CDC25A: variants seen among roughly 807,000 people sequenced by gnomAD.
The protein encoded by CDC25A is M-phase inducer phosphatase 1.
A neutral mutation model predicts 64.6 loss-of-function variants in CDC25A; 17 were observed. That is an observed-to-expected ratio of 0.26 (90% CI 0.18 to 0.39). The LOEUF (loss-of-function observed/expected upper bound fraction) is 0.39, where lower values mean the gene tolerates loss of function less well. CDC25A is among the 10% of genes least tolerant of loss of function. The pLI is 1.00. For synonymous variants in CDC25A, 229 were observed against 238.6 expected (o/e 0.96, Z 0.37); for missense variants, 473 against 654.8 (o/e 0.72, Z 3.03).
chr3:48,170,881 A>G (rs1349693394), intron 9 of CDC25A, among the ~76,000 whole-genome samples: 1 of 152,212 alleles, frequency 6.6e-6, no homozygotes, highest in African/African-American at 2.4e-5. Flanking sequence ...TATCACAGGT[A>G]TGATAACTGT....
In CDC25A at chr3:48,180,729, C is replaced by G; in HGVS notation, c.541G>C (p.Ala181Pro). Reference sequence around the variant, plus strand: ...AAAGCCAGAGCACATACCATCCGAGCTGGGGCAGAGTTCTGCCTCTGTGTG... The same window carrying G: ...AAAGCCAGAGCACATACCATCCGAGGTGGGGCAGAGTTCTGCCTCTGTGTG... ...LFTQRQNSAP[A>P]RMLSSNERDS... The change falls in exon 6 of 15, where the codon GCT (alanine) becomes CCT (proline). Residue 181 changes from alanine to proline, a missense_variant. Physicochemically the swap from Ala to Pro is conservative, Grantham distance 27. This residue lies in a region of CDC25A where 376 missense variants were observed against 431.9 expected (regional missense o/e 0.87). Coordinates refer to ENST00000302506, the MANE Select transcript of CDC25A (RefSeq NM_001789.3). 6.2e-7 allele frequency: 1 copy of G among 1,614,042 alleles called. No individual in the cohort carries two copies. The highest frequency in any genetic ancestry group is 1.1e-5 in the South Asian group (1 of 91,072).
At position 48,157,345 on chromosome 3, in the gene CDC25A, G is replaced by A. The variant is rs934537558; in HGVS notation, c.*1600C>T. The A allele has an allele frequency of 2.6e-5, 4 of 152,394 alleles. No individual in the cohort carries two copies. The highest frequency in any genetic ancestry group is 5.9e-5 in the Non-Finnish European group (4 of 68,026). The allele number at this position is 152,394 out of a possible 1,614,324, so 9.4% of individuals were successfully genotyped here. A position where few individuals can be genotyped will look rare whatever the true frequency, so the allele number is the denominator to read the frequency against. ...CCAGTTGGAATCTGTCTCAATGCGC[G>A]TGTAGGAAGAAGTCCTCTCCCCCAC... is the stretch of plus-strand genomic sequence containing the variant. On this transcript the variant is annotated 3_prime_UTR_variant, in exon 15 of 15. Coordinates refer to ENST00000302506, the MANE Select transcript of CDC25A (RefSeq NM_001789.3).
At chr3:48,183,381 G>A (rs187608685) in intron 4 of CDC25A, among the ~76,000 whole-genome samples, 302 of 152,326 alleles carry the variant, frequency 2.0e-3, no homozygotes, top group African/African-American at 6.8e-3. Flanking sequence ...CCTCCAGACC[G>A]AACATCTTGA....
chr3:48,176,486 T>A (rs1047898327), intron 8 of CDC25A, among the ~76,000 whole-genome samples: 11 of 148,150 alleles, frequency 7.4e-5, no homozygotes, highest in Non-Finnish European at 1.5e-4. Flanking sequence ...TTTGAAAGTA[T>A]CCCTGATGGA....
intron 9 of CDC25A, 132 bp downstream of exon 9, chr3:48,174,138 AACACACACACACCC>A (rs2032367340): frequency 1.4e-6 from 1 of 694,792 alleles, no homozygotes; most frequent in Non-Finnish European, 2.3e-6. Flanking sequence ...TATTAAAAGA[AACACACACACACCC>A]ACACACACAC....
At chr3:48,174,223 A>G in intron 9 of CDC25A, 61 bp downstream of exon 9, 1 of 1,466,172 alleles carries the variant, frequency 6.8e-7, no homozygotes, top group South Asian at 1.3e-5. Context: ...CTAAGTAGAA[A>G]TTTTTAGAAC....
Position 48,180,859 on chromosome 3 carries a change from ACAT to A in CDC25A, c.430-22_430-20del. On this transcript the variant is annotated intron_variant, in intron 5 of 14. Transcript: ENST00000302506. ...AGGCTTCCTGCAAGACATAGTTGAG[ACAT>A]CTACTGTCCATGAAAACCAACTCAG... is the stretch of plus-strand genomic sequence containing the variant. 6.2e-7 allele frequency: 1 copy of A among 1,613,324 alleles called. No homozygotes were observed. The highest frequency in any genetic ancestry group is 8.5e-7 in the Non-Finnish European group (1 of 1,179,686).
rs1014281345 is a variant in CDC25A, at chr3:48,158,642, G to A, written c.*303C>T. Reference sequence around the variant, plus strand: ...TCCCCTCATGAGATGGCTGGAGCCCGATAAGGCCCCGGCTGGTTCATCCCA... The same window carrying A: ...TCCCCTCATGAGATGGCTGGAGCCCAATAAGGCCCCGGCTGGTTCATCCCA... On this transcript the variant is annotated 3_prime_UTR_variant, in exon 15 of 15. Coordinates refer to ENST00000302506, the MANE Select transcript of CDC25A (RefSeq NM_001789.3). The A allele has an allele frequency of 3.1e-5, 8 of 259,982 alleles. No individual in the cohort carries two copies. The highest frequency in any genetic ancestry group is 5.2e-5 in the Non-Finnish European group (7 of 135,896). 16.1% of individuals were successfully genotyped at this position (259,982 alleles called of 1,614,324 possible).
chr3:48,165,547 C>T (rs2031980286), intron 12 of CDC25A, 89 bp downstream of exon 12: 1 of 824,270 alleles, frequency 1.2e-6, no homozygotes, highest in East Asian at 2.4e-5. Flanking sequence ...AGCATATGAG[C>T]TAAGTGGCCA....
chr3:48,159,798 C>A (rs1477645087), intron 13 of CDC25A, among the ~76,000 whole-genome samples: 2 of 152,186 alleles, frequency 1.3e-5, no homozygotes, highest in African/African-American at 4.8e-5. Context: ...TTCAGCCAGG[C>A]TCCCTCACTC....
intron 2 of CDC25A, 49 bp downstream of exon 2, chr3:48,186,654 T>C: frequency 1.7e-6 from 2 of 1,175,588 alleles, no homozygotes; most frequent in Non-Finnish European, 1.3e-6. Context: ...TGAAAAGGCA[T>C]GTTTCAGGAA....
chr3:48,184,366 A>G (rs2032774105), intron 3 of CDC25A, among the ~76,000 whole-genome samples: 1 of 152,096 alleles, frequency 6.6e-6, no homozygotes, highest in Non-Finnish European at 1.5e-5. Context: ...CAAACAAACA[A>G]ACAAACAAAA....
rs2032504630 is a variant in CDC25A, at chr3:48,177,426, G to C, written c.701C>G (p.Pro234Arg). The C allele has an allele frequency of 2.5e-6, 4 of 1,613,736 alleles. No individual in the cohort carries two copies. The East Asian group carries it at 6.7e-5, about 27-fold the overall frequency. Residue 234 changes from proline to arginine, a missense_variant, in exon 8 of 15, where the codon CCC becomes CGC. Around this residue, in one of 2 missense-constraint regions of CDC25A, gnomAD observed 376 missense variants for 431.9 expected, o/e 0.87. Coordinates refer to ENST00000302506, the MANE Select transcript of CDC25A (RefSeq NM_001789.3). ...TGTCCAGAGGCTTGCCATGCACGAG[G>C]GGGTCTCCTCCTCATTCTAAAGAAA... is the stretch of plus-strand genomic sequence containing the variant. ...GENLKNEEETPSCMASLWTAP... is the reference protein window; with the variant it reads ...GENLKNEEETRSCMASLWTAP...
intron 5 of CDC25A, chr3:48,181,790 T>G: frequency 2.3e-6 from 1 of 426,734 alleles, no homozygotes; most frequent in Non-Finnish European, 4.0e-6. Flanking sequence ...CCATGAAGAA[T>G]CAAAAAAAAA....
intron 14 of CDC25A, 29 bp downstream of exon 14, chr3:48,159,313 GGA>G (rs1559954407): frequency 6.7e-7 from 1 of 1,488,462 alleles, no homozygotes; most frequent in South Asian, 1.1e-5. Flanking sequence ...GGGCAGGGGA[GGA>G]GAGATGCTCT....
chr3:48,160,479 C>T (rs972049320), intron 13 of CDC25A, among the ~76,000 whole-genome samples: 12 of 149,228 alleles, frequency 8.0e-5, no homozygotes, highest in Admixed American at 6.0e-4. Context: ...GGCGCGATCT[C>T]GGCTCACTGC....
intron 12 of CDC25A, 145 bp downstream of exon 12, chr3:48,165,491 C>T: frequency 1.6e-6 from 1 of 619,168 alleles, no homozygotes; most frequent in Non-Finnish European, 2.9e-6. Flanking sequence ...CACCCGGAAT[C>T]AAATGCCTTC....
intron 13 of CDC25A, among the ~76,000 whole-genome samples, chr3:48,160,820 G>A (rs1024943396): frequency 3.5e-4 from 54 of 152,230 alleles, no homozygotes; most frequent in Admixed American, 9.8e-4. Context: ...ATGGGCAGCA[G>A]CTTCCTCTGC....
rs3731500 is a variant in CDC25A, at chr3:48,184,588, A to G, written c.290+65T>C. ...CCAGTGTATGAAGAACTTCATTTAA[A>G]TAAGGTATTTAAGTTTAGACACGTT... is the stretch of plus-strand genomic sequence containing the variant. On this transcript the variant is annotated intron_variant, in intron 3 of 14. Coordinates refer to ENST00000302506, the MANE Select transcript of CDC25A (RefSeq NM_001789.3). 2.7e-3 allele frequency: 2,922 copies of G among 1,096,952 alleles called. 8 individuals are homozygous for G. The highest frequency in any genetic ancestry group is 3.3e-3 in the Non-Finnish European group (2,459 of 737,852). The allele number at this position is 1,096,952 out of a possible 1,614,324, so 68.0% of individuals were successfully genotyped here. A position where few individuals can be genotyped will look rare whatever the true frequency, so the allele number is the denominator to read the frequency against.
Sources: allele counts gnomAD v4.1 joint callset (sites outside exome capture counted in the v4.1 genomes callset), GRCh38; gene constraint gnomAD v4.1.1; regional missense constraint gnomAD v4.1.1; transcripts MANE v1.5; gene names NCBI Gene and HGNC (gene_info 2026-07-23, HGNC 2026-07-21).